The following CDKAL1 variants were observed in gnomAD, a reference collection of about 807,000 sequenced individuals.
CDKAL1 encodes CDKAL1 threonylcarbamoyladenosine tRNA methylthiotransferase, also known as threonylcarbamoyladenosine tRNA methylthiotransferase.
Under a neutral mutation model 68.2 loss-of-function variants are expected in CDKAL1, and 32 were observed. The ratio of observed to expected loss-of-function variants is 0.47; its 90% confidence interval spans 0.35 to 0.63. The LOEUF (loss-of-function observed/expected upper bound fraction) is 0.63, where lower values mean the gene tolerates loss of function less well. CDKAL1 is among the 30% of genes least tolerant of loss of function. The pLI is 0.00. For synonymous variants in CDKAL1, 234 were observed against 244.3 expected, an observed-to-expected ratio of 0.96 and a Z score of 0.39; for missense variants, 606 against 696.7, an observed-to-expected ratio of 0.87 and a Z score of 1.47.
chr6:20,875,017 C>T (rs1318445176), intron 9 of CDKAL1, among the ~76,000 whole-genome samples: 1 of 151,900 alleles, frequency 6.6e-6, no homozygotes, highest in Admixed American at 6.6e-5. Flanking sequence ...TAATGTCTAG[C>T]AGGCCGGCGC....
chr6:20,771,295 T>C (rs1000420706), intron 7 of CDKAL1, among the ~76,000 whole-genome samples: 3 of 152,158 alleles, frequency 2.0e-5, no homozygotes, highest in Non-Finnish European at 4.4e-5. Context: ...ATAACACTTA[T>C]CTCAACGGGT....
At chr6:20,848,197 C>G (rs1022533211) in intron 9 of CDKAL1, among the ~76,000 whole-genome samples, 2 of 152,106 alleles carry the variant, frequency 1.3e-5, no homozygotes, top group Admixed American at 1.3e-4. Flanking sequence ...GAGATACTTT[C>G]AATTTGCCAT....
chr6:20,783,966 G>A (rs2150379455), intron 8 of CDKAL1, among the ~76,000 whole-genome samples: 1 of 152,236 alleles, frequency 6.6e-6, no homozygotes, highest in African/African-American at 2.4e-5. Flanking sequence ...TGTAATCCCA[G>A]CACTTTGGGA....
chr6:21,149,877 A>C (rs1445623453), intron 13 of CDKAL1, among the ~76,000 whole-genome samples: 1 of 152,138 alleles, frequency 6.6e-6, no homozygotes, highest in African/African-American at 2.4e-5. Flanking sequence ...ATTTATTTTG[A>C]GATAGAGTCT....
In CDKAL1 at chr6:20,621,072, A is replaced by C. The variant is rs147478856; in HGVS notation, c.287-28221A>C. On this transcript the variant is annotated intron_variant, in intron 4 of 15. Transcript: ENST00000274695. ...TTTTCCCCTAAAGCCTTTCCACTCT[A>C]CCTTACTGCTGCCTCAGATTTACCA... Among the ~76,000 whole-genome samples the C allele has an allele frequency of 3.3e-3, 497 of 151,842 alleles. 2 individuals are homozygous for C. Among genetic ancestry groups the C allele is most frequent in the Middle Eastern group, 0.01 (3 of 294 alleles).
At chr6:20,980,634 G>C (rs776248487) in intron 10 of CDKAL1, among the ~76,000 whole-genome samples, 2 of 152,018 alleles carry the variant, frequency 1.3e-5, no homozygotes, top group African/African-American at 4.8e-5. Flanking sequence ...TTGAAATGCA[G>C]TCTTTAACGG....
intron 13 of CDKAL1, among the ~76,000 whole-genome samples, chr6:21,145,289 T>G (rs1490745319): frequency 6.6e-6 from 1 of 152,244 alleles, no homozygotes; most frequent in Non-Finnish European, 1.5e-5. Flanking sequence ...ATGTCTTCAT[T>G]TGCTGAGCTG....
intron 4 of CDKAL1, among the ~76,000 whole-genome samples, chr6:20,580,087 G>A (rs1765078611): frequency 6.6e-6 from 1 of 152,198 alleles, no homozygotes; most frequent in Non-Finnish European, 1.5e-5. Context: ...AGAGACCATA[G>A]GGACGGTCTG....
At chr6:21,103,339 G>C (rs1229510320) in intron 12 of CDKAL1, among the ~76,000 whole-genome samples, 2 of 151,978 alleles carry the variant, frequency 1.3e-5, no homozygotes, top group Admixed American at 6.6e-5. Context: ...AAATTGGAAT[G>C]ATTACATTGT....
At chr6:20,535,059 A>G (rs569293826) in intron 1 of CDKAL1, 1 of 152,268 alleles carries the variant, frequency 6.6e-6, no homozygotes, top group South Asian at 2.1e-4. Context: ...ATGTCTATCT[A>G]CCTTATTGAC....
At chr6:20,802,423 C>T (rs1274288340) in intron 8 of CDKAL1, among the ~76,000 whole-genome samples, 1 of 151,852 alleles carries the variant, frequency 6.6e-6, no homozygotes, top group Non-Finnish European at 1.5e-5. Context: ...TGCATGTCCT[C>T]ACCCTATAGT....
chr6:20,807,396 G>A (rs968341197), intron 8 of CDKAL1, among the ~76,000 whole-genome samples: 6 of 151,952 alleles, frequency 3.9e-5, no homozygotes, highest in Non-Finnish European at 7.4e-5. Flanking sequence ...GCTAATTTTC[G>A]TATTTTTGTA....
Position 20,781,270 on chromosome 6 carries a change from G to A in CDKAL1, c.638+5G>A, listed in dbSNP as rs1218273618. On this transcript the variant is annotated splice_donor_5th_base_variant and intron_variant, in intron 8 of 15. Transcript: ENST00000274695. The stretch of plus-strand genomic sequence containing the variant: ...AATCATTTCCATCAATACCGGGTAA[G>A]CATCTCTCAAACTTGCTCATAAAAT... The A allele has an allele frequency of 6.2e-7, 1 of 1,605,502 alleles. No individual in the cohort carries two copies. Among genetic ancestry groups the A allele is most frequent in the Admixed American group, 1.7e-5 (1 of 58,010 alleles).
chr6:21,137,869 G>A (rs9358393), intron 13 of CDKAL1, among the ~76,000 whole-genome samples: 76,580 of 152,040 alleles, frequency 0.5, 19,727 homozygotes, highest in East Asian at 0.68. Context: ...CAGCTATTCA[G>A]TTTTTCATTC....
chr6:21,125,149 G>A (rs1774932635), intron 13 of CDKAL1, among the ~76,000 whole-genome samples: 1 of 152,166 alleles, frequency 6.6e-6, no homozygotes, highest in African/African-American at 2.4e-5. Context: ...CAAGGGAGAA[G>A]CCAGGTGGAG....
rs150075243 is a variant in CDKAL1, at chr6:20,679,547, G to A, written c.371+30170G>A. Among the ~76,000 whole-genome samples the A allele has an allele frequency of 5.8e-3, 884 of 152,226 alleles. 10 individuals carry two copies. The highest frequency in any genetic ancestry group is 0.02 in the African/African-American group (850 of 41,526). ...CTGAAATTTCCCCAGACCTCTCTTG[G>A]TTGCATGAAGCTCATCCTGTTTTAT... On this transcript the variant is annotated intron_variant, in intron 5 of 15. Coordinates refer to ENST00000274695, the MANE Select transcript of CDKAL1 (RefSeq NM_017774.3).
At chr6:21,000,572 G>A (rs975927411) in intron 11 of CDKAL1, among the ~76,000 whole-genome samples, 200 bp downstream of exon 11, 1 of 152,088 alleles carries the variant, frequency 6.6e-6, no homozygotes, top group South Asian at 2.1e-4. Context: ...CCTTCCATCT[G>A]TACATGACAC....
At chr6:20,829,878 T>C (rs1777643818) in intron 8 of CDKAL1, among the ~76,000 whole-genome samples, 1 of 152,022 alleles carries the variant, frequency 6.6e-6, no homozygotes, top group Admixed American at 6.6e-5. Context: ...TTTACTTTTA[T>C]TATTATTATT....
At position 20,668,040 on chromosome 6, in the gene CDKAL1, C is replaced by T. The variant is rs370552127; in HGVS notation, c.371+18663C>T. Among the ~76,000 whole-genome samples, 7 of 151,954 alleles carry T rather than the reference C, an allele frequency of 4.6e-5. No individual in the cohort carries two copies. The South Asian group carries it at 1.0e-3, about 23-fold the overall frequency. On this transcript the variant is annotated intron_variant, in intron 5 of 15. Transcript: ENST00000274695. ...CTCCCTTTCTCCTTTGTCTCTCTTT[C>T]GCTTCTTCTCTCTCCTCCCTTTGTG... is the stretch of plus-strand genomic sequence containing the variant.
Sources: allele counts gnomAD v4.1 joint callset (sites outside exome capture counted in the v4.1 genomes callset), GRCh38; gene constraint gnomAD v4.1.1; transcripts MANE v1.5; gene names NCBI Gene and HGNC (gene_info 2026-07-23, HGNC 2026-07-21).